SNTG1: variants seen among roughly 807,000 people sequenced by gnomAD.
The protein encoded by SNTG1 is syntrophin gamma 1.
Under a neutral mutation model 74.7 loss-of-function variants are expected in SNTG1, and 39 were observed. That is an observed-to-expected ratio of 0.52 (90% CI 0.40 to 0.68). SNTG1 has a LOEUF of 0.68. Among genes scored for constraint, SNTG1 ranks in the 30% least tolerant of loss-of-function variants. The pLI, the probability that SNTG1 is intolerant of heterozygous loss-of-function variation, is 0.00. For synonymous variants in SNTG1, 254 were observed against 217.1 expected (o/e 1.17, Z -1.49); for missense variants, 685 against 609.5 (o/e 1.12, Z -1.30).
intron 17 of SNTG1, among the ~76,000 whole-genome samples, chr8:50,748,764 T>C (rs1215239382): frequency 6.6e-6 from 1 of 152,056 alleles, no homozygotes; most frequent in African/African-American, 2.4e-5. Context: ...GTTATTATTG[T>C]AATTATTTTG....
intron 2 of SNTG1, among the ~76,000 whole-genome samples, chr8:50,192,475 C>T (rs1248297821): frequency 6.6e-6 from 1 of 152,010 alleles, no homozygotes; most frequent in Non-Finnish European, 1.5e-5. Context: ...ATTGTCTATT[C>T]ATATCCTTAG....
At chr8:50,192,352 G>A (rs771893094) in intron 2 of SNTG1, among the ~76,000 whole-genome samples, 4 of 152,088 alleles carry the variant, frequency 2.6e-5, no homozygotes, top group Non-Finnish European at 5.9e-5. Context: ...TGTGAAATAA[G>A]GAAGTTAGGC....
intron 1 of SNTG1, among the ~76,000 whole-genome samples, chr8:49,921,956 T>C (rs1806583864): frequency 1.3e-5 from 2 of 152,236 alleles, no homozygotes; most frequent in East Asian, 3.9e-4. Context: ...CAGATAACGG[T>C]GTCTCTTTTT....
chr8:50,454,829 T>TAAAAAAAAAAAAAAAAAAAAA (rs1158732952), intron 8 of SNTG1, among the ~76,000 whole-genome samples: 23 of 95,152 alleles, frequency 2.4e-4, no homozygotes, highest in African/African-American at 8.7e-4. Context: ...CAGACAGAGC[T>TAAAAAAAAAAAAAAAAAAAAA]AAAAAAAAAA....
chr8:50,031,229 G>T, intron 1 of SNTG1, among the ~76,000 whole-genome samples: 1 of 151,298 alleles, frequency 6.6e-6, no homozygotes, highest in East Asian at 2.0e-4. Context: ...ATCATTTTAG[G>T]TCCTTAAGCA....
chr8:50,563,486 C>A (rs1231518346), intron 12 of SNTG1, among the ~76,000 whole-genome samples: 1 of 152,128 alleles, frequency 6.6e-6, no homozygotes, highest in Non-Finnish European at 1.5e-5. Flanking sequence ...AGGTGCTGTC[C>A]ATGGTAGATG....
intron 1 of SNTG1, among the ~76,000 whole-genome samples, chr8:49,959,510 A>G (rs1371141847): frequency 6.6e-6 from 1 of 152,222 alleles, no homozygotes; most frequent in Non-Finnish European, 1.5e-5. Flanking sequence ...AGATTTGCCT[A>G]TTTTGGACAT....
At chr8:50,282,099 C>T (rs2088493637) in intron 2 of SNTG1, among the ~76,000 whole-genome samples, 1 of 152,100 alleles carries the variant, frequency 6.6e-6, no homozygotes, top group South Asian at 2.1e-4. Flanking sequence ...CATCTCTGAC[C>T]AGAAACAGTC....
chr8:50,524,753 G>T (rs1329781369), intron 9 of SNTG1, among the ~76,000 whole-genome samples: 1 of 152,096 alleles, frequency 6.6e-6, no homozygotes, highest in Non-Finnish European at 1.5e-5. Context: ...TGAAGGATGT[G>T]CATAGGCTAT....
intron 11 of SNTG1, among the ~76,000 whole-genome samples, chr8:50,539,491 G>T (rs1479050621): frequency 6.6e-6 from 1 of 152,140 alleles, no homozygotes; most frequent in African/African-American, 2.4e-5. Flanking sequence ...GAATTCTACT[G>T]ACATAAGGAA....
intron 2 of SNTG1, among the ~76,000 whole-genome samples, chr8:50,298,451 AT>A (rs2089492564): frequency 6.6e-6 from 1 of 152,010 alleles, no homozygotes; most frequent in African/African-American, 2.4e-5. Flanking sequence ...GAGAAAACTC[AT>A]TTTCTTCACC....
At chr8:50,272,434 G>A (rs1313557442) in intron 2 of SNTG1, among the ~76,000 whole-genome samples, 2 of 152,160 alleles carry the variant, frequency 1.3e-5, no homozygotes, top group East Asian at 3.9e-4. Flanking sequence ...TCCTGGGCCA[G>A]GTGTGCACAG....
At position 50,484,122 on chromosome 8, in the gene SNTG1, TTCTTTCTTTCTTTCC is replaced by T. The variant is rs1563453253; in HGVS notation, c.364-18654_364-18640del. ...TTTCTCTCTTTCTTTCTTTCTTTCT[TTCTTTCTTTCTTTCC>T]TTCTTTCTTTCTTTCCTTCCTTCCT... is the stretch of plus-strand genomic sequence containing the variant. On this transcript the variant is annotated intron_variant, in intron 8 of 18. Transcript: ENST00000642720. Among the ~76,000 whole-genome samples, 41 of 114,716 alleles carry T rather than the reference TTCTTTCTTTCTTTCC, an allele frequency of 3.6e-4. 1 individual carries two copies. The highest frequency in any genetic ancestry group is 1.3e-3 in the African/African-American group (39 of 31,166). The allele number at this position is 114,716 out of a possible 152,430, so 75.3% of individuals were successfully genotyped here.
At chr8:50,030,052 G>C (rs1423910427) in intron 1 of SNTG1, among the ~76,000 whole-genome samples, 2 of 152,074 alleles carry the variant, frequency 1.3e-5, no homozygotes, top group East Asian at 1.9e-4. Context: ...TTACTGGTGT[G>C]AGATGATATC....
intron 1 of SNTG1, among the ~76,000 whole-genome samples, chr8:50,022,710 A>C (rs1215717029): frequency 1.3e-5 from 2 of 152,178 alleles, no homozygotes; most frequent in Non-Finnish European, 2.9e-5. Context: ...TTCAGGAGGC[A>C]CTGAGCTGCC....
chr8:50,415,454 A>C (rs551226075), intron 4 of SNTG1, among the ~76,000 whole-genome samples: 4 of 152,172 alleles, frequency 2.6e-5, no homozygotes, highest in African/African-American at 9.6e-5. Context: ...ATGTTTACTT[A>C]TACCTATACA....
chr8:50,200,759 G>A (rs1031076397), intron 2 of SNTG1, among the ~76,000 whole-genome samples: 3 of 152,026 alleles, frequency 2.0e-5, no homozygotes, highest in African/African-American at 7.2e-5. Flanking sequence ...CTCTGTGAAG[G>A]GAAGGGGAAT....
intron 18 of SNTG1, 128 bp from the exon 19 acceptor site, chr8:50,792,543 T>C: frequency 1.0e-6 from 1 of 968,000 alleles, no homozygotes; most frequent in Non-Finnish European, 1.5e-6. Flanking sequence ...CATTTGAAAT[T>C]AGTTTCCACA....
intron 1 of SNTG1, among the ~76,000 whole-genome samples, chr8:50,045,754 C>A (rs1035824512): frequency 1.3e-5 from 2 of 152,130 alleles, no homozygotes; most frequent in African/African-American, 4.8e-5. Flanking sequence ...ACTCTTCTAG[C>A]ACCAGATCCT....
Sources: gnomAD v4.1 joint callset for allele counts (sites outside exome capture counted in the v4.1 genomes callset) on GRCh38, gnomAD v4.1.1 for gene constraint, MANE v1.5 for transcripts, NCBI Gene and HGNC (gene_info 2026-07-23, HGNC 2026-07-21) for gene names.